NSMCE2: variants seen among roughly 807,000 people sequenced by gnomAD.
NSMCE2 encodes the protein E3 SUMO-protein ligase NSE2.
NSMCE2 carries 24 observed loss-of-function variants against 23.8 expected under a neutral mutation model. That is an observed-to-expected ratio of 1.01 (90% CI 0.73 to 1.42). NSMCE2 has a LOEUF of 1.42. Among genes scored for constraint, NSMCE2 ranks in the 40% most tolerant of loss-of-function variants. The pLI, the probability that NSMCE2 is intolerant of heterozygous loss-of-function variation, is 0.00. For missense variants in NSMCE2, 284 were observed against 296.5 expected, an observed-to-expected ratio of 0.96 and a Z score of 0.31; for synonymous variants, 92 against 94.1, an observed-to-expected ratio of 0.98 and a Z score of 0.13.
At chr8:125,188,637 AT>A (rs1823214374) in intron 5 of NSMCE2, among the ~76,000 whole-genome samples, 1 of 152,180 alleles carries the variant, frequency 6.6e-6, no homozygotes, top group Admixed American at 6.5e-5. Context: ...TCATAATATA[AT>A]TTTTTTAGTG....
chr8:125,281,533 G>T (rs1340915934), intron 5 of NSMCE2, among the ~76,000 whole-genome samples: 1 of 151,840 alleles, frequency 6.6e-6, no homozygotes, highest in Non-Finnish European at 1.5e-5. Context: ...TCCACCTCCC[G>T]GGTTCAACCG....
chr8:125,321,109 C>A (rs976971983), intron 5 of NSMCE2, among the ~76,000 whole-genome samples: 7 of 152,230 alleles, frequency 4.6e-5, no homozygotes, highest in Non-Finnish European at 1.0e-4. Flanking sequence ...CACCAGGCCC[C>A]ACCTCCAGTA....
At position 125,181,208 on chromosome 8, in the gene NSMCE2, G is replaced by A. The variant is rs967123953; in HGVS notation, c.265-895G>A. On this transcript the variant is annotated intron_variant, in intron 4 of 7. Transcript: ENST00000287437. ...AGAGTGGCTCCTTTTTTCCCCCAAG[G>A]AGGTGGAATATGAACAGAAAATAAC... Among the ~76,000 whole-genome samples the A allele has an allele frequency of 5.3e-5, 8 of 152,150 alleles. No homozygotes were observed. The East Asian group carries it at 1.4e-3, about 26-fold the overall frequency.
chr8:125,358,948 T>C (rs1209085643), intron 7 of NSMCE2, among the ~76,000 whole-genome samples: 2 of 152,110 alleles, frequency 1.3e-5, no homozygotes, highest in Non-Finnish European at 2.9e-5. Flanking sequence ...TTGATCTGTT[T>C]TGAGTTTTTG....
At chr8:125,170,376 CTTTTTTTTT>C (rs565593006) in intron 4 of NSMCE2, among the ~76,000 whole-genome samples, 132 of 37,816 alleles carry the variant, frequency 3.5e-3, no homozygotes, top group Middle Eastern at 0.022. Flanking sequence ...CTCTTTATTT[CTTTTTTTTT>C]TTTTTTTTTT....
At chr8:125,224,648 T>C (rs908785010) in intron 5 of NSMCE2, among the ~76,000 whole-genome samples, 6 of 152,212 alleles carry the variant, frequency 3.9e-5, no homozygotes, top group African/African-American at 1.2e-4. Context: ...TCTATTCTGT[T>C]CCAGTGGTTG....
chr8:125,142,168 G>A (rs1403622211), intron 3 of NSMCE2, among the ~76,000 whole-genome samples: 2 of 152,116 alleles, frequency 1.3e-5, no homozygotes, highest in African/African-American at 2.4e-5. Context: ...CAAATATTTT[G>A]TTAGTGCTTA....
intron 5 of NSMCE2, among the ~76,000 whole-genome samples, chr8:125,274,999 GATAATAATAATAATA>G (rs72261443): frequency 6.0e-4 from 86 of 142,416 alleles, no homozygotes; most frequent in East Asian, 4.9e-3. Context: ...ATCTGAAGAT[GATAATAATAATAATA>G]ATAATAATAA....
At chr8:125,247,550 C>A (rs1422497663) in intron 5 of NSMCE2, among the ~76,000 whole-genome samples, 1 of 152,088 alleles carries the variant, frequency 6.6e-6, no homozygotes, top group African/African-American at 2.4e-5. Context: ...CACGGTGAAA[C>A]CCCGTCTCCA....
intron 4 of NSMCE2, among the ~76,000 whole-genome samples, chr8:125,175,077 C>T (rs1463196679): frequency 6.6e-6 from 1 of 152,134 alleles, no homozygotes; most frequent in African/African-American, 2.4e-5. Flanking sequence ...CCAGTGAAAG[C>T]ATGATGATTC....
intron 5 of NSMCE2, among the ~76,000 whole-genome samples, chr8:125,266,724 A>T (rs1408806466): frequency 2.0e-5 from 3 of 152,224 alleles, no homozygotes; most frequent in Non-Finnish European, 4.4e-5. Context: ...AAAAGAAAGT[A>T]CTAGGAGTTT....
intron 5 of NSMCE2, among the ~76,000 whole-genome samples, chr8:125,267,002 T>G (rs554207741): frequency 1.9e-5 from 2 of 105,790 alleles, no homozygotes; most frequent in African/African-American, 5.6e-5. Context: ...CTTTTTTCTT[T>G]CTTTTTTTTT....
chr8:125,334,486 A>G (rs1017281503), intron 5 of NSMCE2, among the ~76,000 whole-genome samples: 93 of 152,244 alleles, frequency 6.1e-4, no homozygotes, highest in African/African-American at 2.2e-3. Flanking sequence ...CCTGGCTTAG[A>G]GGACCGAAGT....
chr8:125,132,098 T>C (rs560615772), intron 3 of NSMCE2, among the ~76,000 whole-genome samples: 1 of 152,290 alleles, frequency 6.6e-6, no homozygotes, highest in South Asian at 2.1e-4. Flanking sequence ...TTCTTCTTCT[T>C]CTTATGGGGA....
chr8:125,204,619 G>A (rs541538667), intron 5 of NSMCE2, among the ~76,000 whole-genome samples: 1 of 152,238 alleles, frequency 6.6e-6, no homozygotes, highest in East Asian at 1.9e-4. Context: ...GCTTGTTTAT[G>A]TACATTTTCC....
chr8:125,175,456 A>G (rs1042459794), intron 4 of NSMCE2, among the ~76,000 whole-genome samples: 6 of 152,250 alleles, frequency 3.9e-5, no homozygotes, highest in Admixed American at 3.9e-4. Context: ...TATCACTAGT[A>G]TGTGTCTGTG....
chr8:125,309,092 A>G (rs979126127), intron 5 of NSMCE2, among the ~76,000 whole-genome samples: 1 of 152,078 alleles, frequency 6.6e-6, no homozygotes, highest in African/African-American at 2.4e-5. Flanking sequence ...TAAAAATACA[A>G]AAAATTTAGT....
At chr8:125,139,285 A>G (rs1295116903) in intron 3 of NSMCE2, among the ~76,000 whole-genome samples, 5 of 152,252 alleles carry the variant, frequency 3.3e-5, no homozygotes, top group Non-Finnish European at 5.9e-5. Context: ...TGCTAGGCAC[A>G]TGGTCTGCTC....
intron 5 of NSMCE2, among the ~76,000 whole-genome samples, chr8:125,336,265 T>C (rs551488514): frequency 6.6e-6 from 1 of 152,302 alleles, no homozygotes; most frequent in Non-Finnish European, 1.5e-5. Flanking sequence ...AAATAATCAA[T>C]TACTCAATTA....
Sources: gnomAD v4.1 joint callset for allele counts (sites outside exome capture counted in the v4.1 genomes callset) on GRCh38, gnomAD v4.1.1 for gene constraint, MANE v1.5 for transcripts, NCBI Gene and HGNC (gene_info 2026-07-23, HGNC 2026-07-21) for gene names.